The following PPP2R2D variants were observed in gnomAD, a reference collection of about 807,000 sequenced individuals.
PPP2R2D encodes protein phosphatase 2 regulatory subunit Bdelta.
PPP2R2D carries 9 observed loss-of-function variants against 31.1 expected under a neutral mutation model. That is an observed-to-expected ratio of 0.29 (90% CI 0.17 to 0.51). The LOEUF (loss-of-function observed/expected upper bound fraction) is 0.51, where lower values mean the gene tolerates loss of function less well. Among genes scored for constraint, PPP2R2D ranks in the 20% least tolerant of loss-of-function variants. The pLI is 0.98. For missense variants in PPP2R2D, 391 were observed against 465.6 expected, an observed-to-expected ratio of 0.84 and a Z score of 1.48; for synonymous variants, 179 against 172.6, an observed-to-expected ratio of 1.04 and a Z score of -0.29.
chr10:131,903,601 TGTC>T (rs1215622521), intron 2 of PPP2R2D, among the ~76,000 whole-genome samples: 1 of 152,230 alleles, frequency 6.6e-6, no homozygotes, highest in Non-Finnish European at 1.5e-5. Flanking sequence ...TATTTCGAGT[TGTC>T]GTGGTTTCTT....
chr10:131,932,670 A>AAC (rs2036262891), intron 2 of PPP2R2D, among the ~76,000 whole-genome samples: 2 of 123,914 alleles, frequency 1.6e-5, no homozygotes, highest in East Asian at 4.1e-4. Flanking sequence ...AAAAAAAAAC[A>AAC]CACAAAAAAA....
At chr10:131,921,417 G>T (rs538374123) in intron 2 of PPP2R2D, among the ~76,000 whole-genome samples, 1 of 152,270 alleles carries the variant, frequency 6.6e-6, no homozygotes, top group East Asian at 1.9e-4. Context: ...TGAGGGCTCT[G>T]GGAGTCAAAA....
At chr10:131,938,902 C>A (rs1412048341) in intron 3 of PPP2R2D, among the ~76,000 whole-genome samples, 1 of 152,244 alleles carries the variant, frequency 6.6e-6, no homozygotes, top group African/African-American at 2.4e-5. Flanking sequence ...TCCTCTAGAG[C>A]AGACTCAGCA....
intron 2 of PPP2R2D, among the ~76,000 whole-genome samples, chr10:131,913,421 C>T (rs1310773949): frequency 1.3e-5 from 2 of 152,060 alleles, no homozygotes; most frequent in African/African-American, 4.8e-5. Flanking sequence ...CCCCATTCCA[C>T]ACTCTCCTCT....
chr10:131,960,376 G>A (rs966420287), downstream of PPP2R2D, among the ~76,000 whole-genome samples: 4 of 152,162 alleles, frequency 2.6e-5, no homozygotes, highest in African/African-American at 9.7e-5. Flanking sequence ...CTGATGACCC[G>A]GATTCCATGA....
chr10:131,938,749 C>T (rs557015556), intron 3 of PPP2R2D, among the ~76,000 whole-genome samples: 1 of 152,352 alleles, frequency 6.6e-6, no homozygotes, highest in African/African-American at 2.4e-5. Flanking sequence ...TTTATCTCAG[C>T]GGCTTCGTGG....
At chr10:131,904,478 C>G (rs1300883656) in intron 2 of PPP2R2D, among the ~76,000 whole-genome samples, 4 of 152,108 alleles carry the variant, frequency 2.6e-5, no homozygotes, top group Admixed American at 2.0e-4. Context: ...CCACTGCACT[C>G]CAGCCTGGGC....
chr10:131,914,566 T>TA (rs1478002379), intron 2 of PPP2R2D, among the ~76,000 whole-genome samples: 1 of 152,196 alleles, frequency 6.6e-6, no homozygotes, highest in East Asian at 1.9e-4. Flanking sequence ...ACTGCAGTGA[T>TA]ACAACGTTGA....
chr10:131,929,360 G>A (rs954013875), intron 2 of PPP2R2D, among the ~76,000 whole-genome samples: 3 of 152,206 alleles, frequency 2.0e-5, no homozygotes, highest in African/African-American at 2.4e-5. Context: ...AGCGTAAGCC[G>A]TGTGAAGACG....
intron 2 of PPP2R2D, among the ~76,000 whole-genome samples, chr10:131,906,758 CA>C (rs879099384): frequency 0.029 from 2,919 of 101,716 alleles, 47 homozygotes; most frequent in African/African-American, 0.067. Context: ...TTGTCTCTAC[CA>C]AAAAAAAAAA....
chr10:131,936,991 T>C (rs2119820487), intron 3 of PPP2R2D, among the ~76,000 whole-genome samples: 1 of 152,366 alleles, frequency 6.6e-6, no homozygotes, highest in African/African-American at 2.4e-5. Context: ...GCGGATGGTG[T>C]TGCAGCCGCC....
At position 131,925,048 on chromosome 10, in the gene PPP2R2D, G is replaced by T. The variant is rs556822238; in HGVS notation, c.101-9410G>T. ...CTGTTTATTATCTCTGATAGGTTTT[G>T]TGTTTGTGGATTCCTTAGGATTTCC... is the stretch of plus-strand genomic sequence containing the variant. On this transcript the variant is annotated intron_variant, in intron 2 of 8. Transcript: ENST00000455566. Among the ~76,000 whole-genome samples, 15 of 152,278 alleles carry T rather than the reference G, an allele frequency of 9.9e-5. No homozygotes were observed. In the South Asian group the frequency reaches 2.9e-3, roughly 29 times the overall value.
chr10:131,941,753 T>C (rs1018358605), intron 5 of PPP2R2D, among the ~76,000 whole-genome samples: 2 of 152,180 alleles, frequency 1.3e-5, no homozygotes, highest in African/African-American at 2.4e-5. Context: ...TCTGTTCTGA[T>C]GCCATTTCTC....
chr10:131,943,242 C>A (rs915949340), intron 5 of PPP2R2D, among the ~76,000 whole-genome samples: 1 of 152,070 alleles, frequency 6.6e-6, no homozygotes, highest in Admixed American at 6.5e-5. Context: ...TATTTCTGTG[C>A]GAATTGGGCT....
At chr10:131,913,730 A>G (rs1051117444) in intron 2 of PPP2R2D, among the ~76,000 whole-genome samples, 1 of 152,186 alleles carries the variant, frequency 6.6e-6, no homozygotes, top group African/African-American at 2.4e-5. Flanking sequence ...ACAGGCCTCC[A>G]TTATTGTCTC....
chr10:131,932,646 C>CAAAAAAAAAAAAAAAAAA (rs368610703), intron 2 of PPP2R2D, among the ~76,000 whole-genome samples: 44 of 57,804 alleles, frequency 7.6e-4, no homozygotes, highest in African/African-American at 1.3e-3. Context: ...CAGCCTGTCT[C>CAAAAAAAAAAAAAAAAAA]AAAAAAAAAA....
At chr10:131,910,727 G>A (rs1044863946) in intron 2 of PPP2R2D, among the ~76,000 whole-genome samples, 1 of 152,148 alleles carries the variant, frequency 6.6e-6, no homozygotes, top group Non-Finnish European at 1.5e-5. Flanking sequence ...GCTAAGGGCC[G>A]GCAACCCCTG....
At chr10:131,926,790 G>A (rs537588428) in intron 2 of PPP2R2D, among the ~76,000 whole-genome samples, 2 of 152,364 alleles carry the variant, frequency 1.3e-5, no homozygotes, top group East Asian at 1.9e-4. Flanking sequence ...GCTCTGCCAG[G>A]TGCCGCAGAG....
intron 2 of PPP2R2D, among the ~76,000 whole-genome samples, chr10:131,921,842 CAT>C (rs2119817153): frequency 6.6e-6 from 1 of 152,228 alleles, no homozygotes; most frequent in East Asian, 1.9e-4. Flanking sequence ...CCATGGCTCA[CAT>C]AGTTATTTGC....
Sources: gnomAD v4.1 joint callset for allele counts (sites outside exome capture counted in the v4.1 genomes callset) on GRCh38, gnomAD v4.1.1 for gene constraint, MANE v1.5 for transcripts, NCBI Gene and HGNC (gene_info 2026-07-23, HGNC 2026-07-21) for gene names.